The following PSD3 variants were observed in gnomAD, a reference collection of about 807,000 sequenced individuals.
PSD3 encodes the protein PH and SEC7 domain-containing protein 3.
In PSD3, 49 loss-of-function variants were observed where a neutral mutation model predicts 105.5. That is an observed-to-expected ratio of 0.46 (90% CI 0.37 to 0.59). The LOEUF (loss-of-function observed/expected upper bound fraction) is 0.59. Among genes scored for constraint, PSD3 ranks in the 20% least tolerant of loss-of-function variants. The pLI is 0.00. For missense variants in PSD3, 1,561 were observed against 1,263.8 expected, an observed-to-expected ratio of 1.24 and a Z score of -3.57; for synonymous variants, 557 against 457.8, an observed-to-expected ratio of 1.22 and a Z score of -2.77.
chr8:18,713,695 G>A (rs1416346224), intron 9 of PSD3, among the ~76,000 whole-genome samples: 1 of 152,136 alleles, frequency 6.6e-6, no homozygotes, highest in Admixed American at 6.5e-5. Flanking sequence ...CATGAAAACG[G>A]CCATACTGCC....
At chr8:18,725,450 A>C (rs2129428810) in intron 9 of PSD3, among the ~76,000 whole-genome samples, 1 of 152,276 alleles carries the variant, frequency 6.6e-6, no homozygotes, top group East Asian at 1.9e-4. Context: ...AAAGGGGAGA[A>C]ATCCATTATA....
chr8:18,548,661 GC>G (rs1418222174), intron 15 of PSD3, among the ~76,000 whole-genome samples: 5 of 152,170 alleles, frequency 3.3e-5, no homozygotes, highest in Non-Finnish European at 7.3e-5. Context: ...AAATTTGTGT[GC>G]CCTCTCTGAA....
intron 7 of PSD3, among the ~76,000 whole-genome samples, chr8:18,800,844 T>C (rs1318662930): frequency 6.6e-6 from 1 of 152,150 alleles, no homozygotes; most frequent in Non-Finnish European, 1.5e-5. Flanking sequence ...TGAGCTTTCA[T>C]CAAGAAACAT....
chr8:18,684,202 T>C (rs1800532173), intron 9 of PSD3: 1 of 280,226 alleles, frequency 3.6e-6, no homozygotes, highest in Non-Finnish European at 6.3e-6. Context: ...CGTCTCTCTT[T>C]TCCACACACA....
At chr8:18,571,266 G>A (rs1441369788) in intron 14 of PSD3, among the ~76,000 whole-genome samples, 1 of 152,100 alleles carries the variant, frequency 6.6e-6, no homozygotes. Flanking sequence ...CTCTGCAGAG[G>A]TACATTTCTT....
chr8:18,794,862 G>T (rs2469945), intron 8 of PSD3, among the ~76,000 whole-genome samples: 41,217 of 43,708 alleles, frequency 0.94, 19,708 homozygotes, highest in Non-Finnish European at 0.98. Context: ...TCCAAATCTC[G>T]CGTCCCACCT....
intron 1 of PSD3, among the ~76,000 whole-genome samples, chr8:19,075,842 T>C (rs1485131003): frequency 6.6e-6 from 1 of 152,252 alleles, no homozygotes; most frequent in African/African-American, 2.4e-5. Flanking sequence ...TCTTCTGTTG[T>C]ATGGATTATA....
rs758767210 is a variant in PSD3 at position 18,872,270 on chromosome 8, A to G, written c.594T>C (p.Pro198=). The G allele has an allele frequency of 6.2e-7, 1 of 1,614,170 alleles. No individual in the cohort carries two copies. The highest frequency in any genetic ancestry group is 8.5e-7 in the Non-Finnish European group (1 of 1,180,010). The change falls in exon 3 of 16, where the codon CCT becomes CCC. Residue 198 remains proline, a synonymous_variant. Coordinates refer to ENST00000327040, the MANE Select transcript of PSD3 (RefSeq NM_015310.4). ...PAGQKNLPEI[P]LSAEVTTEES... ...CCTCCGTTGTTACTTCAGCTGAAAG[A>G]GGTATTTCTGGTAAATTTTTTTGGC... is the stretch of plus-strand genomic sequence containing the variant.
intron 8 of PSD3, among the ~76,000 whole-genome samples, chr8:18,783,676 C>G (rs1173160733): frequency 6.6e-6 from 1 of 152,178 alleles, no homozygotes; most frequent in African/African-American, 2.4e-5. Context: ...CTCTGTTGCC[C>G]AGGCTGGAGT....
chr8:18,578,246 A>AT (rs1370642231), intron 12 of PSD3, among the ~76,000 whole-genome samples: 4 of 152,088 alleles, frequency 2.6e-5, no homozygotes, highest in Non-Finnish European at 5.9e-5. Context: ...TCTGAAACTA[A>AT]AAAGTCCCAC....
At chr8:18,788,053 C>G (rs1175131139) in intron 8 of PSD3, among the ~76,000 whole-genome samples, 1 of 152,136 alleles carries the variant, frequency 6.6e-6, no homozygotes, top group South Asian at 2.1e-4. Flanking sequence ...TACGATAACA[C>G]TGATTTACAG....
Position 18,871,821 on chromosome 8 carries a change from G to C in PSD3, c.1043C>G (p.Ala348Gly). The C allele has an allele frequency of 6.2e-7, 1 of 1,614,184 alleles. No individual in the cohort carries two copies. Reference protein sequence around the residue: ...SKVPRHLISSAGLCNSSSLTE... With the variant: ...SKVPRHLISSGGLCNSSSLTE... ...TAAACTACTTGAATTACACAAACCA[G>C]CTGATGAGATGAGATGGCGTGGCAC... The change falls in exon 3 of 16, where the codon GCT becomes GGT. Residue 348 changes from alanine (A) to glycine (G), a missense_variant. By Grantham distance (60) the Ala-to-Gly change is moderately conservative. Coordinates refer to ENST00000327040, the MANE Select transcript of PSD3 (RefSeq NM_015310.4).
chr8:18,865,239 TA>T (rs1563359542), intron 4 of PSD3: 10 of 3,856 alleles, frequency 2.6e-3, no homozygotes, highest in African/African-American at 7.7e-3. Flanking sequence ...TATATATATA[TA>T]TATATATATA....
chr8:18,925,389 G>GTATATATA lies in PSD3; in HGVS notation c.130+10637_130+10644dup, dbSNP rs34212482. Reference sequence around the variant, plus strand: ...CACTTCCAGGCAACTATCTCTAAAAGTATATATATATATATATACACACAC... The same window carrying GTATATATA: ...CACTTCCAGGCAACTATCTCTAAAAGTATATATATATATATATATATATATACACACAC... On this transcript the variant is annotated intron_variant, in intron 2 of 15. Transcript: ENST00000327040. Among the ~76,000 whole-genome samples, 534 of 147,754 alleles carry GTATATATA rather than the reference G, an allele frequency of 3.6e-3. 6 individuals carry two copies. Among genetic ancestry groups the GTATATATA allele is most frequent in the African/African-American group, 0.013 (519 of 40,410 alleles).
chr8:18,791,688 G>T (rs1809731287), intron 8 of PSD3, among the ~76,000 whole-genome samples: 1 of 152,070 alleles, frequency 6.6e-6, no homozygotes, highest in Admixed American at 6.6e-5. Flanking sequence ...TCATGATTAA[G>T]ATGTCAAAAG....
intron 4 of PSD3, among the ~76,000 whole-genome samples, chr8:18,819,180 A>G (rs1164179175): frequency 6.6e-6 from 1 of 152,228 alleles, no homozygotes; most frequent in East Asian, 1.9e-4. Context: ...TACAGCAGAG[A>G]TGACAAGGTA....
At chr8:19,039,390 A>G (rs554939678) in intron 1 of PSD3, among the ~76,000 whole-genome samples, 1 of 152,308 alleles carries the variant, frequency 6.6e-6, no homozygotes, top group African/African-American at 2.4e-5. Context: ...CAAGCTCAGC[A>G]TGTCCCAAGC....
chr8:18,726,283 A>G (rs922584750), intron 9 of PSD3, among the ~76,000 whole-genome samples: 1 of 152,232 alleles, frequency 6.6e-6, no homozygotes, highest in African/African-American at 2.4e-5. Flanking sequence ...CCAAGTAATA[A>G]GCAGCCAGAG....
intron 1 of PSD3, among the ~76,000 whole-genome samples, chr8:19,028,719 G>A (rs1827655535): frequency 6.6e-6 from 1 of 151,994 alleles, no homozygotes; most frequent in Non-Finnish European, 1.5e-5. Context: ...TTTTGTTTAT[G>A]GTTTGTGCTA....
Sources: gnomAD v4.1 joint callset for allele counts (sites outside exome capture counted in the v4.1 genomes callset) on GRCh38, gnomAD v4.1.1 for gene constraint, MANE v1.5 for transcripts, NCBI Gene and HGNC (gene_info 2026-07-23, HGNC 2026-07-21) for gene names.